The following PRKN variants were observed in gnomAD, a reference collection of about 807,000 sequenced individuals.
PRKN encodes parkin RBR E3 ubiquitin protein ligase, also known as E3 ubiquitin-protein ligase parkin.
Under a neutral mutation model 59.5 loss-of-function variants are expected in PRKN, and 56 were observed. That is an observed-to-expected ratio of 0.94 (90% CI 0.76 to 1.18). The LOEUF is 1.18. PRKN is among the 50% of genes most tolerant of loss of function. The pLI is 0.00. For missense variants in PRKN, 657 were observed against 596.4 expected, an observed-to-expected ratio of 1.10 and a Z score of -1.06; for synonymous variants, 250 against 222.1, an observed-to-expected ratio of 1.13 and a Z score of -1.12.
chr6:161,731,049 T>C (rs1433784493), intron 7 of PRKN, among the ~76,000 whole-genome samples: 1 of 152,280 alleles, frequency 6.6e-6, no homozygotes, highest in Non-Finnish European at 1.5e-5. Flanking sequence ...GTCTGATATG[T>C]TGCATTCTGA....
intron 1 of PRKN, among the ~76,000 whole-genome samples, chr6:162,498,053 A>G (rs1480683795): frequency 6.6e-6 from 1 of 152,210 alleles, no homozygotes; most frequent in Non-Finnish European, 1.5e-5. Context: ...CTATTTAAAA[A>G]AGGAAAAAAA....
chr6:162,120,494 T>C (rs1780865167), intron 4 of PRKN, among the ~76,000 whole-genome samples: 1 of 152,222 alleles, frequency 6.6e-6, no homozygotes, highest in Non-Finnish European at 1.5e-5. Context: ...TTATCAGCTC[T>C]GAACTGCAAC....
intron 7 of PRKN, among the ~76,000 whole-genome samples, chr6:161,631,259 C>G (rs185102593): frequency 4.7e-4 from 72 of 152,366 alleles, no homozygotes; most frequent in African/African-American, 1.5e-3. Flanking sequence ...AAACAGTTTT[C>G]TGATGGTTGT....
At chr6:162,298,627 C>A (rs866507930) in intron 2 of PRKN, among the ~76,000 whole-genome samples, 1 of 146,202 alleles carries the variant, frequency 6.8e-6, no homozygotes, top group African/African-American at 2.5e-5. Context: ...CCACCCCCCA[C>A]CCCCCAACCC....
At chr6:161,455,049 T>G (rs1404620218) in intron 9 of PRKN, among the ~76,000 whole-genome samples, 1 of 151,924 alleles carries the variant, frequency 6.6e-6, no homozygotes. Context: ...CGTGTTTTTT[T>G]TTTTTTTGAG....
chr6:162,588,919 A>G (rs1034763304), intron 1 of PRKN, among the ~76,000 whole-genome samples: 1 of 152,162 alleles, frequency 6.6e-6, no homozygotes, highest in African/African-American at 2.4e-5. Context: ...CACCTGGCAC[A>G]CGGTGGGTGC....
intron 1 of PRKN, among the ~76,000 whole-genome samples, chr6:162,489,878 A>T (rs1792724568): frequency 1.3e-5 from 2 of 151,986 alleles, no homozygotes; most frequent in South Asian, 4.1e-4. Flanking sequence ...CAGGGTCACA[A>T]CCCCTCCTCA....
chr6:161,789,095 T>C (rs566002015), intron 6 of PRKN, among the ~76,000 whole-genome samples: 62 of 152,324 alleles, frequency 4.1e-4, no homozygotes, highest in Non-Finnish European at 6.9e-4. Context: ...TGAGCTAAGA[T>C]TGCTCCTCTC....
At position 162,646,529 on chromosome 6, in the gene PRKN, C is replaced by T. The variant is rs75453378; in HGVS notation, c.7+81133G>A. ...AAACTCCTGGCCTCAAGCAATTCTCCCACTTTGGCCTCCCAAACTGCTTGG... is the reference window on the plus strand; with the variant it reads ...AAACTCCTGGCCTCAAGCAATTCTCTCACTTTGGCCTCCCAAACTGCTTGG... On this transcript the variant is annotated intron_variant, in intron 1 of 11. Transcript: ENST00000366898. Among the ~76,000 whole-genome samples the T allele has an allele frequency of 7.8e-3, 1,194 of 152,130 alleles. 13 individuals are homozygous for T. The highest frequency in any genetic ancestry group is 0.028 in the African/African-American group (1,148 of 41,492).
intron 1 of PRKN, among the ~76,000 whole-genome samples, chr6:162,717,442 G>A (rs1371492581): frequency 2.6e-5 from 4 of 151,928 alleles, no homozygotes; most frequent in African/African-American, 9.7e-5. Flanking sequence ...AAATTAGCCA[G>A]GCAGGTTGGC....
At chr6:162,520,788 G>A (rs919036307) in intron 1 of PRKN, among the ~76,000 whole-genome samples, 5 of 150,104 alleles carry the variant, frequency 3.3e-5, no homozygotes, top group African/African-American at 1.2e-4. Context: ...AAATGTCTAA[G>A]GCCCTTAGTT....
Position 161,569,136 on chromosome 6 carries a change from G to A in PRKN, c.933+219C>T, listed in dbSNP as rs74957511. Among the ~76,000 whole-genome samples, 7 of 152,352 alleles carry A rather than the reference G, an allele frequency of 4.6e-5. No homozygotes were observed. The East Asian group carries it at 1.4e-3, about 29-fold the overall frequency. ...CTTGAGTCTTGAGATGAAATGCACT[G>A]CACTGGCAGATAGCAGATGTAGCAA... On this transcript the variant is annotated intron_variant, in intron 8 of 11. Coordinates refer to ENST00000366898, the MANE Select transcript of PRKN (RefSeq NM_004562.3).
chr6:161,424,381 A>T (rs987764172), intron 9 of PRKN, among the ~76,000 whole-genome samples: 1 of 151,706 alleles, frequency 6.6e-6, no homozygotes, highest in Non-Finnish European at 1.5e-5. Flanking sequence ...TTGAGCAAAC[A>T]GCAATCATGG....
At chr6:162,530,057 G>T (rs1201795937) in intron 1 of PRKN, among the ~76,000 whole-genome samples, 3 of 151,966 alleles carry the variant, frequency 2.0e-5, no homozygotes, top group African/African-American at 7.3e-5. Context: ...TTGAACCTGG[G>T]AGGTGGAGGT....
chr6:161,817,771 C>G (rs1791849576), intron 6 of PRKN, among the ~76,000 whole-genome samples: 1 of 152,160 alleles, frequency 6.6e-6, no homozygotes, highest in Non-Finnish European at 1.5e-5. Flanking sequence ...CACACATGAT[C>G]ACGAATGACA....
intron 9 of PRKN, among the ~76,000 whole-genome samples, chr6:161,511,879 T>G (rs183992639): frequency 1.7e-4 from 26 of 152,074 alleles, no homozygotes; most frequent in Non-Finnish European, 3.1e-4. Flanking sequence ...GAGAAGAATA[T>G]CTCACTTTAG....
rs975491883 is a variant in PRKN, at chr6:162,149,971, T to C, written c.534+51160A>G. ...AAAGCACTGTATGGTATAAAGACTC[T>C]ACATTCCTGCATTTTGTCACAGGCC... On this transcript the variant is annotated intron_variant, in intron 4 of 11. Transcript: ENST00000366898. Among the ~76,000 whole-genome samples, 9 of 152,308 alleles carry C rather than the reference T, an allele frequency of 5.9e-5. No homozygotes were observed. The South Asian group carries it at 1.9e-3, about 32-fold the overall frequency.
At chr6:162,029,622 C>T (rs1783564363) in intron 5 of PRKN, among the ~76,000 whole-genome samples, 1 of 152,174 alleles carries the variant, frequency 6.6e-6, no homozygotes, top group South Asian at 2.1e-4. Context: ...TCCCTCTCTG[C>T]TGGGATTTTG....
In PRKN at chr6:161,402,869, C is replaced by T. The variant is rs1487818268; in HGVS notation, c.1084-15992G>A. Among the ~76,000 whole-genome samples, 2 of 152,106 alleles carry T rather than the reference C, an allele frequency of 1.3e-5. No individual in the cohort carries two copies. Among genetic ancestry groups the T allele is most frequent in the Non-Finnish European group, 2.9e-5 (2 of 68,020 alleles). ...TCCGAGCAGCCCTGAGCAGAACAGG[C>T]AGTAGTCTCTCCAGGCATGGTGTCC... On this transcript the variant is annotated intron_variant, in intron 9 of 11. Transcript: ENST00000366898. The surrounding 1 kb of genome is among the most constrained non-coding windows in gnomAD (Gnocchi z 4.5).
Sources: allele counts gnomAD v4.1 joint callset (sites outside exome capture counted in the v4.1 genomes callset), GRCh38; gene constraint gnomAD v4.1.1; non-coding constraint Gnocchi (gnomAD v3.1); transcripts MANE v1.5; gene names NCBI Gene and HGNC (gene_info 2026-07-23, HGNC 2026-07-21).